Variants in EFL1 observed in about 807,000 individuals in gnomAD.
EFL1 encodes the protein elongation factor-like GTPase 1.
A neutral mutation model predicts 126.7 loss-of-function variants in EFL1; 76 were observed. That is an observed-to-expected ratio of 0.60 (90% CI 0.50 to 0.73). The LOEUF (loss-of-function observed/expected upper bound fraction) is 0.73. EFL1 is among the 30% of genes least tolerant of loss of function. EFL1 has a pLI of 0.00. For synonymous variants in EFL1, 410 were observed against 448.4 expected (o/e 0.91, Z 1.08); for missense variants, 1,128 against 1,343.2 (o/e 0.84, Z 2.50).
intron 17 of EFL1, among the ~76,000 whole-genome samples, chr15:82,155,509 A>AAAAT (rs58757332): frequency 8.5e-5 from 13 of 152,100 alleles, no homozygotes; most frequent in African/African-American, 2.4e-4. Flanking sequence ...CAAAAAAATA[A>AAAAT]AAATAAATAA....
Position 82,228,342 on chromosome 15 carries a change from A to T in EFL1, c.933-15T>A. 1 of 1,611,212 alleles carries T rather than the reference A, an allele frequency of 6.2e-7. No homozygotes were observed. Among genetic ancestry groups the T allele is most frequent in the East Asian group, 2.2e-5 (1 of 44,836 alleles). On this transcript the variant is annotated splice_polypyrimidine_tract_variant and intron_variant, in intron 9 of 19. Coordinates refer to ENST00000268206, the MANE Select transcript of EFL1 (RefSeq NM_024580.6). ...TGTCTTTGTCCCTGTGGTAAACACA[A>T]GATTGGAGAGGGGAAATGTCATATG...
intron 15 of EFL1, among the ~76,000 whole-genome samples, chr15:82,170,858 T>C (rs1453558424): frequency 6.6e-6 from 1 of 152,190 alleles, no homozygotes; most frequent in African/African-American, 2.4e-5. Context: ...AACACATGGT[T>C]TTAAGTGATA....
At position 82,259,268 on chromosome 15, in the gene EFL1, T is replaced by C. The variant is rs1052064450; in HGVS notation, c.92-113A>G. The C allele has an allele frequency of 1.1e-5, 10 of 905,570 alleles. No homozygotes were observed. The African/African-American group carries it at 1.5e-4, about 14-fold the overall frequency. The allele number at this position is 905,570 out of a possible 1,614,324, so 56.1% of individuals were successfully genotyped here. ...GAATTGGTTTAGTAAAGATTTTCTA[T>C]TTACCTATGCTAGGTGACAAAAGAG... On this transcript the variant is annotated intron_variant, in intron 2 of 19. Transcript: ENST00000268206.
intron 15 of EFL1, among the ~76,000 whole-genome samples, chr15:82,171,237 C>T (rs1241716831): frequency 6.6e-6 from 1 of 152,170 alleles, no homozygotes; most frequent in Admixed American, 6.5e-5. Context: ...GAACTGTGAG[C>T]TATTTCTGTT....
chr15:82,140,700 A>G (rs904490288), intron 18 of EFL1, among the ~76,000 whole-genome samples: 2 of 152,180 alleles, frequency 1.3e-5, no homozygotes, highest in Non-Finnish European at 2.9e-5. Context: ...TTCCTTTCAA[A>G]TTTAACATGT....
intron 19 of EFL1, among the ~76,000 whole-genome samples, chr15:82,136,223 C>G (rs1227798698): frequency 6.6e-6 from 1 of 152,126 alleles, no homozygotes; most frequent in East Asian, 1.9e-4. Context: ...AATAATGATG[C>G]CATTACAACA....
chr15:82,184,321 G>A (rs138383482), intron 15 of EFL1, among the ~76,000 whole-genome samples: 6 of 152,278 alleles, frequency 3.9e-5, no homozygotes, highest in African/African-American at 1.4e-4. Flanking sequence ...ACCATGACCG[G>A]TAGCACACAT....
At chr15:82,237,806 C>T (rs1448469165) in intron 7 of EFL1, among the ~76,000 whole-genome samples, 3 of 150,608 alleles carry the variant, frequency 2.0e-5, no homozygotes, top group African/African-American at 7.3e-5. Context: ...TACATCCACA[C>T]CATGGAATAC....
Position 82,130,564 on chromosome 15 carries a change from T to C in EFL1, c.3175-3A>G. On this transcript the variant is annotated splice_region_variant and splice_polypyrimidine_tract_variant and intron_variant, in intron 19 of 19. Coordinates refer to ENST00000268206, the MANE Select transcript of EFL1 (RefSeq NM_024580.6). ...CAGAAGGGGTCACTGGGAATGATCT[T>C]GTAAAAGAAGATGACAGAATGTGCA... is the stretch of plus-strand genomic sequence containing the variant. The C allele has an allele frequency of 1.2e-6, 2 of 1,613,140 alleles. No individual in the cohort carries two copies. The highest frequency in any genetic ancestry group is 1.7e-6 in the Non-Finnish European group (2 of 1,179,680).
chr15:82,211,005 C>T (rs1433380275), intron 15 of EFL1, among the ~76,000 whole-genome samples: 2 of 151,792 alleles, frequency 1.3e-5, no homozygotes, highest in Middle Eastern at 3.4e-3. Context: ...TATGCAACAA[C>T]AGGTAACTGG....
intron 15 of EFL1, among the ~76,000 whole-genome samples, chr15:82,211,335 G>A (rs1437071401): frequency 1.3e-5 from 2 of 151,532 alleles, no homozygotes; most frequent in East Asian, 1.9e-4. Flanking sequence ...GACCAGCCTG[G>A]CCAACCTGGT....
At chr15:82,211,382 T>C (rs1322085121) in intron 15 of EFL1, among the ~76,000 whole-genome samples, 2 of 151,476 alleles carry the variant, frequency 1.3e-5, no homozygotes, top group Admixed American at 1.3e-4. Context: ...AAAAATTAGG[T>C]GGGCATGGTG....
In EFL1 at chr15:82,259,129, T is replaced by C. The variant is rs1473981216; in HGVS notation, c.118A>G (p.Ile40Val). ...CTGGAGATGATTCCATTGCTAGATATAAGACAGTCAGCCAGAGTAGTTTTT... is the reference window on the plus strand; with the variant it reads ...CTGGAGATGATTCCATTGCTAGATACAAGACAGTCAGCCAGAGTAGTTTTT... ...HGKTTLADCL[I>V]SSNGIISSRL... Residue 40 changes from isoleucine (I) to valine (V), a missense_variant, in exon 3 of 20, where the codon ATA becomes GTA. Physicochemically the swap from Ile to Val is conservative, Grantham distance 29. Coordinates refer to ENST00000268206, the MANE Select transcript of EFL1 (RefSeq NM_024580.6). 9.9e-6 allele frequency: 16 copies of C among 1,613,982 alleles called. No homozygotes were observed. The highest frequency in any genetic ancestry group is 1.4e-5 in the Non-Finnish European group (16 of 1,179,988).
At chr15:82,240,850 G>C (rs552492465) in intron 5 of EFL1, among the ~76,000 whole-genome samples, 1 of 152,294 alleles carries the variant, frequency 6.6e-6, no homozygotes, top group African/African-American at 2.4e-5. Flanking sequence ...AGGAATTCAA[G>C]ACTAGCCTGG....
chr15:82,162,376 G>A (rs1023197760), intron 16 of EFL1, among the ~76,000 whole-genome samples: 2 of 152,150 alleles, frequency 1.3e-5, no homozygotes, highest in African/African-American at 4.8e-5. Context: ...TAAGAAAGAG[G>A]ATACAAATAA....
chr15:82,186,528 G>A (rs1251917982), intron 15 of EFL1, among the ~76,000 whole-genome samples: 7 of 152,084 alleles, frequency 4.6e-5, no homozygotes, highest in African/African-American at 1.7e-4. Flanking sequence ...TTTTGATATT[G>A]TCAGAAAGGC....
At chr15:82,167,708 C>T (rs1055138836) in intron 15 of EFL1, among the ~76,000 whole-genome samples, 1 of 152,058 alleles carries the variant, frequency 6.6e-6, no homozygotes, top group Non-Finnish European at 1.5e-5. Context: ...TGGGGGCGAG[C>T]CTGTTAGCTG....
rs1384162745 is a variant in EFL1 at position 82,206,710 on chromosome 15, C to T, written c.1750+8007G>A. Reference sequence around the variant, plus strand: ...TACCTATGAGCATAAAGTACCAAAACTGACATAAGAAACAGTAAAAAGAAC... The same window carrying T: ...TACCTATGAGCATAAAGTACCAAAATTGACATAAGAAACAGTAAAAAGAAC... On this transcript the variant is annotated intron_variant, in intron 15 of 19. Transcript: ENST00000268206. Among the ~76,000 whole-genome samples, 5 of 152,138 alleles carry T rather than the reference C, an allele frequency of 3.3e-5. No individual in the cohort carries two copies. In the East Asian group the frequency reaches 9.7e-4, roughly 29 times the overall value.
At chr15:82,174,386 C>T (rs888912828) in intron 15 of EFL1, 1 of 151,704 alleles carries the variant, frequency 6.6e-6, no homozygotes, top group African/African-American at 2.4e-5. Context: ...AAGTAAGTAC[C>T]TATGATGATT....
Sources: gnomAD v4.1 joint callset for allele counts (sites outside exome capture counted in the v4.1 genomes callset) on GRCh38, gnomAD v4.1.1 for gene constraint, MANE v1.5 for transcripts, NCBI Gene and HGNC (gene_info 2026-07-23, HGNC 2026-07-21) for gene names.